Variants in ZNF93 observed in about 807,000 individuals in gnomAD.
The protein encoded by ZNF93 is zinc finger protein 93, also known as zinc finger protein 505.
A neutral mutation model predicts 45.0 loss-of-function variants in ZNF93; 29 were observed. The observed-to-expected ratio is 0.64, with a 90% CI of 0.48 to 0.88. The LOEUF (loss-of-function observed/expected upper bound fraction) is 0.88. Ranked by LOEUF, ZNF93 falls within the 40% of genes least tolerant of loss-of-function variation. The pLI is 0.00. For missense variants in ZNF93, 578 were observed against 724.0 expected (o/e 0.80, Z 2.31); for synonymous variants, 223 against 244.6 (o/e 0.91, Z 0.82).
intron 3 of ZNF93, chr19:19,927,226 C>T (rs1045183229): frequency 5.0e-6 from 2 of 398,314 alleles, no homozygotes; most frequent in Non-Finnish European, 8.8e-6. Context: ...GGAGACCCCT[C>T]TCTATGAAAA....
At chr19:19,901,615 G>A (rs1181799556) in intron 1 of ZNF93, among the ~76,000 whole-genome samples, 1 of 152,046 alleles carries the variant, frequency 6.6e-6, no homozygotes, top group South Asian at 2.1e-4. Flanking sequence ...CTGGTCATAA[G>A]TTGTAAAAAT....
rs2063324878 is a variant in ZNF93 at position 19,916,610 on chromosome 19, A to G, written c.181A>G (p.Lys61Glu). The G allele has an allele frequency of 6.2e-7, 1 of 1,612,208 alleles. No homozygotes were observed. Among genetic ancestry groups the G allele is most frequent in the Non-Finnish European group, 8.5e-7 (1 of 1,179,408 alleles). Residue 61 changes from lysine to glutamate, a missense_variant, in exon 3 of 4, where the codon AAA (lysine) becomes GAA (glutamate). This residue lies in a region of ZNF93 where 446 missense variants were observed against 547.6 expected (regional missense o/e 0.81). Transcript: ENST00000343769. ...GATCGCCCATCTGGAGCAAGGAAAA[A>G]AACCTTTGACTATGAAGAGACATGA... ...DLIAHLEQGK[K>E]PLTMKRHEMV...
chr19:19,928,159 A>T (rs1010928904), intron 3 of ZNF93, among the ~76,000 whole-genome samples: 2 of 152,218 alleles, frequency 1.3e-5, no homozygotes, highest in African/African-American at 4.8e-5. Context: ...AAAATAAGCC[A>T]ACTTTATCAG....
At chr19:19,929,339 T>C (rs1187338368) in intron 3 of ZNF93, among the ~76,000 whole-genome samples, 2 of 152,210 alleles carry the variant, frequency 1.3e-5, no homozygotes, top group Admixed American at 1.3e-4. Flanking sequence ...TTTCTCTATA[T>C]GCAAAAGAAT....
At chr19:19,908,792 G>C (rs1011016692) in intron 1 of ZNF93, 1 of 128,968 alleles carries the variant, frequency 7.8e-6, no homozygotes, top group Admixed American at 9.9e-5. Context: ...GCTGTGAGCC[G>C]AGATCGCACC....
chr19:19,919,461 TTA>T (rs2063336164), intron 3 of ZNF93, among the ~76,000 whole-genome samples: 1 of 151,788 alleles, frequency 6.6e-6, no homozygotes, highest in African/African-American at 2.4e-5. Context: ...CATATGAACT[TTA>T]AAGTAGTTTT....
chr19:19,927,723 C>G (rs893809717), intron 3 of ZNF93, among the ~76,000 whole-genome samples: 11 of 152,172 alleles, frequency 7.2e-5, no homozygotes, highest in Admixed American at 2.6e-4. Flanking sequence ...CAAGAGACAT[C>G]TAGGGTGCTT....
chr19:19,901,449 G>A (rs183180982), intron 1 of ZNF93, among the ~76,000 whole-genome samples: 7 of 152,130 alleles, frequency 4.6e-5, no homozygotes, highest in African/African-American at 1.4e-4. Context: ...AGCTTTAGTG[G>A]GTTGGGTTCA....
Position 19,933,278 on chromosome 19 carries a change from A to C in ZNF93, c.323A>C (p.His108Pro). 6.2e-7 allele frequency: 1 copy of C among 1,612,214 alleles called. No homozygotes were observed. The highest frequency in any genetic ancestry group is 8.5e-7 in the Non-Finnish European group (1 of 1,179,038). ...CTGAGAAGATATGAAAAACGTGGAC[A>C]TGGAAATTTACAGTTAATAAAAAGG... ...VILRRYEKRG[H>P]GNLQLIKRCE... is the part of the protein sequence containing the mutation. Residue 108 changes from histidine to proline, a missense_variant, in exon 4 of 4, where the codon CAT (histidine) becomes CCT (proline). His to Pro is a moderately conservative substitution (Grantham distance 77, BLOSUM62 -2). This residue lies in a region of ZNF93 where 446 missense variants were observed against 547.6 expected (regional missense o/e 0.81). Coordinates refer to ENST00000343769, the MANE Select transcript of ZNF93 (RefSeq NM_031218.4).
intron 1 of ZNF93, among the ~76,000 whole-genome samples, chr19:19,904,241 C>T (rs1037814325): frequency 6.6e-6 from 1 of 150,936 alleles, no homozygotes; most frequent in African/African-American, 2.5e-5. Flanking sequence ...GTTTCTGGAG[C>T]ACACAAAGGA....
Position 19,934,755 on chromosome 19 carries a change from A to T in ZNF93, c.1800A>T (p.Lys600Asn). The T allele has an allele frequency of 6.2e-7, 1 of 1,610,488 alleles. No homozygotes were observed. The highest frequency in any genetic ancestry group is 8.5e-7 in the Non-Finnish European group (1 of 1,178,392). The change falls in exon 4 of 4, where the codon AAA becomes AAT. Residue 600 changes from lysine to asparagine, a missense_variant. Lys to Asn is a moderately conservative substitution (Grantham distance 94, BLOSUM62 0). Transcript: ENST00000343769. ...CATACGAGTGTGATAAATGTGGCAA[A>T]GCCTTTATTTCACCCTCAAGCCTTA... is the stretch of plus-strand genomic sequence containing the variant. The part of the protein sequence containing the change: ...EKPYECDKCG[K>N]AFISPSSLSR...
chr19:19,934,635 T>C lies in ZNF93; in HGVS notation c.1680T>C (p.Thr560=). The change falls in exon 4 of 4, where the codon ACT becomes ACC. Residue 560 remains threonine (T), a synonymous_variant. Transcript: ENST00000343769. ...TTACTACACATAAGATACTTCATACTGGAGAGAAACCTTATAGATGTAGAG... is the reference window on the plus strand; with the variant it reads ...TTACTACACATAAGATACTTCATACCGGAGAGAAACCTTATAGATGTAGAG... ...THLTTHKILH[T]GEKPYRCREC... 1 of 1,613,886 alleles carries C rather than the reference T, an allele frequency of 6.2e-7. No individual in the cohort carries two copies. Among genetic ancestry groups the C allele is most frequent in the Middle Eastern group, 1.7e-4 (1 of 6,056 alleles).
At chr19:19,912,753 C>G (rs2063312938) in intron 1 of ZNF93, among the ~76,000 whole-genome samples, 1 of 151,520 alleles carries the variant, frequency 6.6e-6, no homozygotes, top group African/African-American at 2.4e-5. Flanking sequence ...AAAATGGGCC[C>G]TTTATCTAAA....
chr19:19,905,717 C>G (rs1242127869), intron 1 of ZNF93, among the ~76,000 whole-genome samples: 1 of 152,070 alleles, frequency 6.6e-6, no homozygotes, highest in Non-Finnish European at 1.5e-5. Flanking sequence ...CTCATCCTCC[C>G]AAGTAGCTGA....
intron 1 of ZNF93, among the ~76,000 whole-genome samples, chr19:19,911,194 GC>G (rs2063306769): frequency 6.6e-6 from 1 of 152,196 alleles, no homozygotes; most frequent in East Asian, 1.9e-4. Flanking sequence ...CTCCACCAGG[GC>G]AGTTCCATTT....
intron 3 of ZNF93, among the ~76,000 whole-genome samples, chr19:19,921,034 A>T (rs1165960222): frequency 2.6e-5 from 4 of 152,072 alleles, no homozygotes; most frequent in Non-Finnish European, 5.9e-5. Flanking sequence ...TTGTGATGTT[A>T]GGGTGTCAAT....
Position 19,926,720 on chromosome 19 carries a change from C to G in ZNF93, c.227-6462C>G, listed in dbSNP as rs2063357257. Among the ~76,000 whole-genome samples, 3 of 152,018 alleles carry G rather than the reference C, an allele frequency of 2.0e-5. 1 individual carries two copies. The South Asian group carries it at 6.2e-4, about 32-fold the overall frequency. ...TTTACTTAAGTATTATAATTTTAGA[C>G]AATTTGTAATTCTGTTGGTACACTT... On this transcript the variant is annotated intron_variant, in intron 3 of 3. Transcript: ENST00000343769.
chr19:19,916,588 C>G lies in ZNF93; in HGVS notation c.159C>G (p.Ile53Met). The change falls in exon 3 of 4, where the codon ATC becomes ATG. Residue 53 changes from isoleucine to methionine, a missense_variant. Around this residue, in one of 3 missense-constraint regions of ZNF93, gnomAD observed 446 missense variants for 547.6 expected, o/e 0.81. Coordinates refer to ENST00000343769, the MANE Select transcript of ZNF93 (RefSeq NM_031218.4). ...TTGTTGTCTCTAAGCCAGACCTGAT[C>G]GCCCATCTGGAGCAAGGAAAAAAAC... The part of the protein sequence containing the change: ...LGIVVSKPDL[I>M]AHLEQGKKPL... The G allele has an allele frequency of 6.2e-7, 1 of 1,612,018 alleles. No homozygotes were observed. The highest frequency in any genetic ancestry group is 8.5e-7 in the Non-Finnish European group (1 of 1,179,166).
At chr19:19,914,906 A>G (rs1162126174) in intron 1 of ZNF93, 1 of 323,378 alleles carries the variant, frequency 3.1e-6, no homozygotes, top group African/African-American at 2.3e-5. Context: ...TCTTCAGCTT[A>G]TTGTACATAT....
Sources: gnomAD v4.1 joint callset for allele counts (sites outside exome capture counted in the v4.1 genomes callset) on GRCh38, gnomAD v4.1.1 for gene constraint, gnomAD v4.1.1 regional missense constraint, MANE v1.5 for transcripts, NCBI Gene and HGNC (gene_info 2026-07-23, HGNC 2026-07-21) for gene names.